PAIP2B: variants seen among roughly 807,000 people sequenced by gnomAD.
PAIP2B encodes polyadenylate-binding protein-interacting protein 2B.
In PAIP2B, 13 loss-of-function variants were observed where a neutral mutation model predicts 17.0. The ratio of observed to expected loss-of-function variants is 0.76; its 90% CI spans 0.50 to 1.22. The LOEUF is 1.22. Ranked by LOEUF, PAIP2B falls within the 50% of genes most tolerant of loss-of-function variation. The probability of loss-of-function intolerance (pLI) is 0.00; values close to 1 mark genes in which losing one functional copy is unlikely to be tolerated. For missense variants in PAIP2B, 117 were observed against 144.5 expected (o/e 0.81, Z 0.98); for synonymous variants, 43 against 48.7 (o/e 0.88, Z 0.48).
At chr2:71,220,593 T>G (rs980291515) in intron 1 of PAIP2B, among the ~76,000 whole-genome samples, 12 of 152,246 alleles carry the variant, frequency 7.9e-5, no homozygotes, top group African/African-American at 1.9e-4. Context: ...ATAAATTCCT[T>G]CAGTCTGTCC....
At chr2:71,198,645 A>ACTCCTGACCTTAGGTGATCCCCGC (rs1245027645) in intron 2 of PAIP2B, among the ~76,000 whole-genome samples, 1 of 148,852 alleles carries the variant, frequency 6.7e-6, no homozygotes, top group Non-Finnish European at 1.5e-5. Flanking sequence ...CTGGTCTCTG[A>ACTCCTGACCTTAGGTGATCCCCGC]CTCCTGACCT....
At chr2:71,197,087 T>G (rs1259885510) in intron 2 of PAIP2B, among the ~76,000 whole-genome samples, 1 of 152,204 alleles carries the variant, frequency 6.6e-6, no homozygotes, top group African/African-American at 2.4e-5. Flanking sequence ...GTTGGCCTGT[T>G]TGTGTGGTTG....
chr2:71,198,285 ATT>A (rs35659531), intron 2 of PAIP2B, among the ~76,000 whole-genome samples: 92 of 130,414 alleles, frequency 7.1e-4, no homozygotes, highest in Admixed American at 8.6e-4. Context: ...GGCCCAGCTA[ATT>A]TTTTTTTTTT....
chr2:71,197,467 A>C (rs575408258), intron 2 of PAIP2B, among the ~76,000 whole-genome samples: 1 of 152,212 alleles, frequency 6.6e-6, no homozygotes, highest in East Asian at 1.9e-4. Flanking sequence ...TTGACCTTGG[A>C]AAGTCTGATG....
intron 1 of PAIP2B, among the ~76,000 whole-genome samples, chr2:71,209,510 C>T (rs1675232696): frequency 1.3e-5 from 2 of 152,120 alleles, no homozygotes; most frequent in African/African-American, 4.8e-5. Context: ...GCATGGTGAA[C>T]ACGAAATCAG....
chr2:71,199,720 C>T (rs1674930471), intron 2 of PAIP2B, among the ~76,000 whole-genome samples: 1 of 152,152 alleles, frequency 6.6e-6, no homozygotes, highest in South Asian at 2.1e-4. Context: ...GCGCCCACCA[C>T]CTATCTTCTC....
chr2:71,193,208 T>A (rs550260923), intron 2 of PAIP2B, among the ~76,000 whole-genome samples: 1 of 152,246 alleles, frequency 6.6e-6, no homozygotes, highest in Admixed American at 6.5e-5. Context: ...TTGAGCTTTT[T>A]TTCATATGCT....
chr2:71,215,261 G>T (rs555060562), intron 1 of PAIP2B, among the ~76,000 whole-genome samples: 1 of 151,922 alleles, frequency 6.6e-6, no homozygotes, highest in South Asian at 2.1e-4. Flanking sequence ...TCGTGCCACC[G>T]TACTCCAGCC....
At chr2:71,218,887 A>G (rs1193121150) in intron 1 of PAIP2B, among the ~76,000 whole-genome samples, 2 of 151,624 alleles carry the variant, frequency 1.3e-5, no homozygotes, top group African/African-American at 4.8e-5. Flanking sequence ...GAATGTTTTG[A>G]GTGGCAGAAT....
intron 1 of PAIP2B, among the ~76,000 whole-genome samples, chr2:71,210,071 G>A (rs534751049): frequency 1.1e-4 from 16 of 152,170 alleles, no homozygotes; most frequent in East Asian, 3.9e-4. Context: ...TGATCTGCCC[G>A]CCTCAGCCTC....
At chr2:71,192,405 TTATTA>T (rs1414228413) in intron 2 of PAIP2B, among the ~76,000 whole-genome samples, 1 of 152,150 alleles carries the variant, frequency 6.6e-6, no homozygotes, top group East Asian at 1.9e-4. Context: ...TTTTTCATTA[TTATTA>T]TATCTGTTAT....
chr2:71,224,431 G>A (rs1490937771), intron 1 of PAIP2B, among the ~76,000 whole-genome samples: 1 of 152,128 alleles, frequency 6.6e-6, no homozygotes, highest in Non-Finnish European at 1.5e-5. Flanking sequence ...TGCAAATAAT[G>A]AGAATTGACT....
chr2:71,203,954 T>A (rs1287649029), intron 1 of PAIP2B, among the ~76,000 whole-genome samples: 1 of 152,138 alleles, frequency 6.6e-6, no homozygotes, highest in Non-Finnish European at 1.5e-5. Flanking sequence ...TTTCTGTTAT[T>A]CATCTAAATC....
chr2:71,192,919 T>C (rs910372535), intron 2 of PAIP2B, among the ~76,000 whole-genome samples: 3 of 152,218 alleles, frequency 2.0e-5, no homozygotes, highest in African/African-American at 2.4e-5. Context: ...CATGTGTCTT[T>C]ATGGTAGAAT....
rs1461760066 is a variant in PAIP2B at position 71,183,486 on chromosome 2, A to G, written c.*4993T>C. ...TTTGACATGCACAGCAGCTTCCCCT[A>G]TAAGTCCTACGTTCGGAGGGTTCCG... On this transcript the variant is annotated 3_prime_UTR_variant, in exon 4 of 4. Transcript: ENST00000244221. The G allele has an allele frequency of 1.5e-4, 20 of 131,300 alleles. No individual in the cohort carries two copies. Among genetic ancestry groups the G allele is most frequent in the African/African-American group, 5.3e-4 (18 of 33,812 alleles). The allele number at this position is 131,300 out of a possible 1,614,324, so 8.1% of individuals were successfully genotyped here. A position where few individuals can be genotyped will look rare whatever the true frequency, so the allele number is the denominator to read the frequency against.
In PAIP2B at chr2:71,206,868, C is replaced by T. The variant is rs377734157; in HGVS notation, c.-11-4268G>A. Among the ~76,000 whole-genome samples the T allele has an allele frequency of 5.0e-4, 76 of 152,320 alleles. 1 individual carries two copies. Among genetic ancestry groups the T allele is most frequent in the African/African-American group, 1.6e-3 (66 of 41,576 alleles). ...TTGTTTCCTACAGTTTCATTACTTC[C>T]TTCAGTCTGGTTAATACCATTTTAA... On this transcript the variant is annotated intron_variant, in intron 1 of 3. Coordinates refer to ENST00000244221, the MANE Select transcript of PAIP2B (RefSeq NM_020459.1).
chr2:71,203,220 T>C lies in PAIP2B; in HGVS notation c.-11-620A>G, dbSNP rs371371142. On this transcript the variant is annotated intron_variant, in intron 1 of 3. Coordinates refer to ENST00000244221, the MANE Select transcript of PAIP2B (RefSeq NM_020459.1). ...CCCAAGTATCCATTCTCAATAGTAA[T>C]AGGATCATGTGATACAAGATGCCCC... Among the ~76,000 whole-genome samples, 71 of 152,182 alleles carry C rather than the reference T, an allele frequency of 4.7e-4. 1 individual carries two copies. The highest frequency in any genetic ancestry group is 1.7e-3 in the African/African-American group (71 of 41,544).
intron 1 of PAIP2B, among the ~76,000 whole-genome samples, chr2:71,213,709 C>T (rs1675360410): frequency 6.6e-6 from 1 of 152,048 alleles, no homozygotes; most frequent in African/African-American, 2.4e-5. Flanking sequence ...TAAATTGCAA[C>T]GGTGAGACTT....
At chr2:71,226,356 G>A (rs1675725584) in intron 1 of PAIP2B, among the ~76,000 whole-genome samples, 1 of 152,202 alleles carries the variant, frequency 6.6e-6, no homozygotes, top group South Asian at 2.1e-4. Flanking sequence ...CTCACGGACC[G>A]CAAGGCACAA....
Sources: gnomAD v4.1 joint callset for allele counts (sites outside exome capture counted in the v4.1 genomes callset) on GRCh38, gnomAD v4.1.1 for gene constraint, MANE v1.5 for transcripts, NCBI Gene and HGNC (gene_info 2026-07-23, HGNC 2026-07-21) for gene names.